PALM2AKAP2: variants seen among roughly 807,000 people sequenced by gnomAD.
The protein encoded by PALM2AKAP2 is PALM2 and AKAP2 fusion.
PALM2AKAP2 carries 37 observed loss-of-function variants against 71.5 expected under a neutral mutation model. The ratio of observed to expected loss-of-function variants is 0.52; its 90% CI spans 0.40 to 0.68. PALM2AKAP2 has a LOEUF of 0.68. Among genes scored for constraint, PALM2AKAP2 ranks in the 30% least tolerant of loss-of-function variants. PALM2AKAP2 has a pLI of 0.00. For synonymous variants in PALM2AKAP2, 468 were observed against 478.8 expected, an observed-to-expected ratio of 0.98 and a Z score of 0.29; for missense variants, 1,224 against 1,191.8, an observed-to-expected ratio of 1.03 and a Z score of -0.40.
At chr9:110,068,916 T>A (rs1469643663) in intron 1 of PALM2AKAP2, among the ~76,000 whole-genome samples, 1 of 152,210 alleles carries the variant, frequency 6.6e-6, no homozygotes, top group Non-Finnish European at 1.5e-5. Flanking sequence ...AGCCCTTGAT[T>A]GGGAGAATGT....
chr9:109,820,841 T>C (rs1827978668), intron 1 of PALM2AKAP2, among the ~76,000 whole-genome samples: 1 of 151,870 alleles, frequency 6.6e-6, no homozygotes, highest in South Asian at 2.1e-4. Context: ...ACCGGTGGCT[T>C]TGTAGATCTG....
intron 2 of PALM2AKAP2, among the ~76,000 whole-genome samples, chr9:109,874,551 A>G (rs887638926): frequency 1.3e-5 from 2 of 152,178 alleles, no homozygotes; most frequent in Admixed American, 1.3e-4. Context: ...TGTCACCATC[A>G]TCACCCAGTA....
At chr9:109,843,048 G>T (rs759873231) in intron 1 of PALM2AKAP2, among the ~76,000 whole-genome samples, 12 of 149,952 alleles carry the variant, frequency 8.0e-5, no homozygotes, top group Non-Finnish European at 1.6e-4. Context: ...GCTGAGGCAG[G>T]AGACTCGCTT....
chr9:109,650,173 C>T (rs1049285993), intron 1 of PALM2AKAP2, among the ~76,000 whole-genome samples: 2 of 152,018 alleles, frequency 1.3e-5, no homozygotes, highest in Admixed American at 6.6e-5. Flanking sequence ...GGGAACCAGC[C>T]CCTTCACACA....
At chr9:109,920,731 A>G (rs1021180376) in intron 3 of PALM2AKAP2, among the ~76,000 whole-genome samples, 20 of 152,170 alleles carry the variant, frequency 1.3e-4, no homozygotes, top group African/African-American at 4.8e-4. Flanking sequence ...AGTACTCTGT[A>G]CTTTGAGATT....
At position 110,026,074 on chromosome 9, in the gene PALM2AKAP2, C is replaced by T. The variant is rs775371816; in HGVS notation, c.582+10035C>T. Among the ~76,000 whole-genome samples the T allele has an allele frequency of 3.1e-4, 47 of 151,620 alleles. 1 individual carries two copies. The highest frequency in any genetic ancestry group is 3.9e-4 in the Admixed American group (6 of 15,210). On this transcript the variant is annotated intron_variant, in intron 7 of 9. Transcript: ENST00000302798. ...CTTTCTATTTCTTTTCTTTCTCTCA[C>T]TCTTTTATTTATTTCTTTCTTTCTT...
chr9:109,658,886 G>A (rs977242792), intron 1 of PALM2AKAP2, among the ~76,000 whole-genome samples: 14 of 152,052 alleles, frequency 9.2e-5, no homozygotes, highest in African/African-American at 1.7e-4. Flanking sequence ...AACAAAATCC[G>A]AAAAGTACTT....
intron 1 of PALM2AKAP2, among the ~76,000 whole-genome samples, chr9:109,699,190 A>G (rs548717529): frequency 1.3e-5 from 2 of 152,344 alleles, no homozygotes; most frequent in South Asian, 4.1e-4. Context: ...AACACAAGAT[A>G]CCATTTTCAC....
At chr9:110,040,895 T>C (rs1833501182) in intron 7 of PALM2AKAP2, among the ~76,000 whole-genome samples, 1 of 152,180 alleles carries the variant, frequency 6.6e-6, no homozygotes, top group African/African-American at 2.4e-5. Context: ...ATATTAGGCA[T>C]ATTTTATGTT....
At chr9:110,074,905 A>G (rs1235623779) in intron 1 of PALM2AKAP2, among the ~76,000 whole-genome samples, 3 of 152,158 alleles carry the variant, frequency 2.0e-5, no homozygotes, top group Non-Finnish European at 2.9e-5. Context: ...TGGGAGGCTG[A>G]GACAGGAGAA....
At position 110,027,114 on chromosome 9, in the gene PALM2AKAP2, A is replaced by G. The variant is rs187977993; in HGVS notation, c.582+11075A>G. 6.6e-5 allele frequency among the ~76,000 whole-genome samples: 10 copies of G among 152,300 alleles called. No homozygotes were observed. In the East Asian group the frequency reaches 1.9e-3, roughly 29 times the overall value. On this transcript the variant is annotated intron_variant, in intron 7 of 9. Transcript: ENST00000302798. ...AGAAATAAAGTAGGAAGCTGCTACA[A>G]GCTAGATTTTTAAAGATATTGCTGG...
At chr9:109,939,048 A>T (rs148222494) in intron 6 of PALM2AKAP2, among the ~76,000 whole-genome samples, 354 of 152,116 alleles carry the variant, frequency 2.3e-3, no homozygotes, top group African/African-American at 7.4e-3. Context: ...ATAATAATAA[A>T]AAATAAATAA....
chr9:110,004,260 G>A (rs13288767), intron 6 of PALM2AKAP2, among the ~76,000 whole-genome samples: 5,109 of 152,150 alleles, frequency 0.034, 118 homozygotes, highest in Non-Finnish European at 0.05. Context: ...GCTTGTCTGT[G>A]AAGTATTTTA....
At chr9:110,023,584 G>A (rs905776814) in intron 7 of PALM2AKAP2, among the ~76,000 whole-genome samples, 2 of 151,908 alleles carry the variant, frequency 1.3e-5, no homozygotes, top group African/African-American at 4.8e-5. Flanking sequence ...AAAGTGCTGG[G>A]ATTACAGGCG....
At chr9:109,959,967 C>G (rs1052204389) in intron 6 of PALM2AKAP2, among the ~76,000 whole-genome samples, 1 of 152,210 alleles carries the variant, frequency 6.6e-6, no homozygotes, top group African/African-American at 2.4e-5. Context: ...CTGCTTTGTT[C>G]TCTTTCTCCA....
intron 1 of PALM2AKAP2, chr9:109,867,059 A>G (rs1351793547): frequency 2.2e-6 from 1 of 456,360 alleles, no homozygotes; most frequent in African/African-American, 2.0e-5. Context: ...AGAATTTCCC[A>G]CTGTCTTATT....
chr9:109,942,977 A>G, intron 6 of PALM2AKAP2: 2 of 1,614,168 alleles, frequency 1.2e-6, no homozygotes, highest in Non-Finnish European at 1.7e-6. Context: ...AGCCTCAGCC[A>G]TCCCAAGGAA....
chr9:109,969,722 G>C (rs6477735), intron 6 of PALM2AKAP2, among the ~76,000 whole-genome samples: 7,125 of 152,204 alleles, frequency 0.047, 382 homozygotes, highest in East Asian at 0.28. Flanking sequence ...GCAGAGGCTG[G>C]GAGCCTGGAA....
intron 1 of PALM2AKAP2, among the ~76,000 whole-genome samples, chr9:109,703,341 G>C (rs1373272052): frequency 6.6e-6 from 1 of 152,146 alleles, no homozygotes; most frequent in Admixed American, 6.6e-5. Context: ...TGTGACTAAA[G>C]AGAAGGATTT....
Sources: gnomAD v4.1 joint callset for allele counts (sites outside exome capture counted in the v4.1 genomes callset) on GRCh38, gnomAD v4.1.1 for gene constraint, MANE v1.5 for transcripts, NCBI Gene and HGNC (gene_info 2026-07-23, HGNC 2026-07-21) for gene names.